KIF7: variants seen among roughly 807,000 people sequenced by gnomAD.
KIF7 encodes kinesin family member 7, also known as kinesin-like protein KIF7.
In KIF7, 104 loss-of-function variants were observed where a neutral mutation model predicts 135.7. That is an observed-to-expected ratio of 0.77 (90% CI 0.65 to 0.90). The LOEUF is 0.90. KIF7 is among the 40% of genes least tolerant of loss of function. The pLI, the probability that KIF7 is intolerant of heterozygous loss-of-function variation, is 0.00. For synonymous variants in KIF7, 883 were observed against 809.4 expected (o/e 1.09, Z -1.54); for missense variants, 2,005 against 1,839.1 (o/e 1.09, Z -1.65).
chr15:89,648,425 C>T lies in KIF7; in HGVS notation c.1273G>A (p.Glu425Lys). The T allele has an allele frequency of 8.9e-7, 1 of 1,118,324 alleles. No homozygotes were observed. 69.3% of individuals were successfully genotyped at this position (1,118,324 alleles called of 1,614,324 possible). ...GGCAGCCCGGGCTCGGCCTGCAGCT[C>T]GCGCAAGAGGCTGTAGGCGGCGTCG... The part of the protein sequence containing the change: ...CTDAAYSLLR[E>K]LQAEPGLPGA... The change falls in exon 5 of 19, where the codon GAG becomes AAG. Residue 425 changes from glutamate to lysine, a missense_variant. Glu to Lys is a moderately conservative substitution (Grantham distance 56). Coordinates refer to ENST00000394412, the MANE Select transcript of KIF7 (RefSeq NM_198525.3).
At position 89,629,587 on chromosome 15, in the gene KIF7, CA is replaced by C; in HGVS notation, c.3319-15del. The C allele has an allele frequency of 1.9e-6, 3 of 1,602,896 alleles. No individual in the cohort carries two copies. Among genetic ancestry groups the C allele is most frequent in the Non-Finnish European group, 2.5e-6 (3 of 1,179,946 alleles). On this transcript the variant is annotated splice_polypyrimidine_tract_variant and intron_variant, in intron 16 of 18. Coordinates refer to ENST00000394412, the MANE Select transcript of KIF7 (RefSeq NM_198525.3). ...GAGCGTCACCACCTGTCCCAAGACC[CA>C]GCCAGGCTCAGCCCTCATCATGACC...
chr15:89,656,888 G>A (rs961659707), upstream of KIF7, among the ~76,000 whole-genome samples: 4 of 152,168 alleles, frequency 2.6e-5, no homozygotes, highest in South Asian at 2.1e-4. Flanking sequence ...GCCTGCCGCC[G>A]TGATGCCCAA....
intron 16 of KIF7, 181 bp from the exon 17 acceptor site, chr15:89,629,754 C>T (rs1415385236): frequency 4.1e-6 from 3 of 731,968 alleles, no homozygotes; most frequent in East Asian, 2.7e-5. Context: ...TATCTTCCAA[C>T]GATCAGAGCT....
At chr15:89,643,432 C>T (rs1963956927) in intron 10 of KIF7, among the ~76,000 whole-genome samples, 1 of 152,018 alleles carries the variant, frequency 6.6e-6, no homozygotes, top group African/African-American at 2.4e-5. Flanking sequence ...TTTGAGCATC[C>T]ACAGATTTTG....
At chr15:89,640,362 A>G (rs2142013829) in intron 11 of KIF7, among the ~76,000 whole-genome samples, 1 of 152,320 alleles carries the variant, frequency 6.6e-6, no homozygotes, top group Non-Finnish European at 1.5e-5. Flanking sequence ...ACATTTACGC[A>G]CCAGGCACCA....
Position 89,649,311 on chromosome 15 carries a change from G to A in KIF7, c.586C>T (p.Leu196=). ...VEGLDEVLSL[L]EMGNAARHTG... ...TGCCGCGCCGCGTTGCCCATCTCCAGGAGGCTCAGCACCTCATCCAGGCCC... is the reference window on the plus strand; with the variant it reads ...TGCCGCGCCGCGTTGCCCATCTCCAAGAGGCTCAGCACCTCATCCAGGCCC... Residue 196 remains leucine (L), a synonymous_variant, in exon 4 of 19, where the codon CTG becomes TTG. Coordinates refer to ENST00000394412, the MANE Select transcript of KIF7 (RefSeq NM_198525.3). 3.4e-6 allele frequency: 5 copies of A among 1,487,580 alleles called. No individual in the cohort carries two copies. Among genetic ancestry groups the A allele is most frequent in the Non-Finnish European group, 4.5e-6 (5 of 1,113,284 alleles). The allele number at this position is 1,487,580 out of a possible 1,614,324, so 92.1% of individuals were successfully genotyped here.
In KIF7 at chr15:89,648,353, C is replaced by T; in HGVS notation, c.1345G>A (p.Gly449Ser). The change falls in exon 5 of 19, where the codon GGC (glycine) becomes AGC (serine). Residue 449 changes from glycine to serine, a missense_variant. Transcript: ENST00000394412. The stretch of plus-strand genomic sequence containing the variant: ...GCGGAGCTCAGGGCGCTGCGCTCGC[C>T]CTCGACGGCGCACAGCCAGTCGCGC... ...KVRDWLCAVE[G>S]ERSALSSASG... 7.0e-7 allele frequency: 1 copy of T among 1,437,224 alleles called. No homozygotes were observed. The highest frequency in any genetic ancestry group is 2.5e-5 in the Admixed American group (1 of 40,398). The allele number at this position is 1,437,224 out of a possible 1,614,324, so 89.0% of individuals were successfully genotyped here.
downstream of KIF7, among the ~76,000 whole-genome samples, chr15:89,626,297 G>A (rs1468137941): frequency 6.6e-6 from 1 of 152,330 alleles, no homozygotes; most frequent in East Asian, 1.9e-4. Flanking sequence ...TCCTGAAAAT[G>A]TTGACAGTCG....
chr15:89,627,330 T>C, downstream of KIF7: 1 of 462,066 alleles, frequency 2.2e-6, no homozygotes, highest in Admixed American at 3.7e-5. Context: ...TCAGGCAGCC[T>C]GGGAGTCAGG....
chr15:89,621,604 A>C, intron 1 of KIF7: 1 of 1,471,234 alleles, frequency 6.8e-7, no homozygotes. Context: ...ACACAGAGAC[A>C]TGGCCAAGGA....
In KIF7 at chr15:89,630,267, G is replaced by T. The variant is rs747994640; in HGVS notation, c.3318+20C>A. 2 of 1,610,406 alleles carry T rather than the reference G, an allele frequency of 1.2e-6. No individual in the cohort carries two copies. Among genetic ancestry groups the T allele is most frequent in the African/African-American group, 1.3e-5 (1 of 74,832 alleles). ...CGTGCCGCTGAGGAGGAGCTGGGGGGCCATGGGCTGCTGGCCCACCTTGTC... is the reference window on the plus strand; with the variant it reads ...CGTGCCGCTGAGGAGGAGCTGGGGGTCCATGGGCTGCTGGCCCACCTTGTC... On this transcript the variant is annotated intron_variant, in intron 16 of 18. Coordinates refer to ENST00000394412, the MANE Select transcript of KIF7 (RefSeq NM_198525.3).
chr15:89,629,183 CTGTGGG>C (rs2141993082), intron 17 of KIF7, 61 bp from the exon 18 acceptor site: 2 of 954,008 alleles, frequency 2.1e-6, no homozygotes, highest in Non-Finnish European at 2.9e-6. Context: ...GCGGCCAGGG[CTGTGGG>C]GGTGGGGGCT....
chr15:89,648,592 G>A lies in KIF7; in HGVS notation c.1106C>T (p.Ala369Val). The change falls in exon 5 of 19, where the codon GCG (alanine) becomes GTG (valine). Residue 369 changes from alanine (A) to valine (V), a missense_variant. Ala to Val is a moderately conservative substitution (Grantham distance 64). Transcript: ENST00000394412. ...PEAERPPEET[A>V]SGARGPPRHR... Reference sequence around the variant, plus strand: ...CCGTGGCGGACCCCGCGCGCCGCTCGCCGTCTCTTCGGGTGGCCGCTCGGC... The same window carrying A: ...CCGTGGCGGACCCCGCGCGCCGCTCACCGTCTCTTCGGGTGGCCGCTCGGC... 1 of 1,524,792 alleles carries A rather than the reference G, an allele frequency of 6.6e-7. No individual in the cohort carries two copies. The allele number at this position is 1,524,792 out of a possible 1,614,324, so 94.5% of individuals were successfully genotyped here.
chr15:89,653,011 C>G, intron 1 of KIF7, 57 bp from the exon 2 acceptor site: 1 of 1,345,174 alleles, frequency 7.4e-7, no homozygotes, highest in Non-Finnish European at 9.9e-7. Context: ...GAGCTGGACT[C>G]ACCCTGCAGG....
upstream of KIF7, among the ~76,000 whole-genome samples, chr15:89,659,848 T>C (rs966620230): frequency 6.6e-6 from 1 of 152,224 alleles, no homozygotes; most frequent in Admixed American, 6.5e-5. Context: ...CTTAGTCATA[T>C]TCCCTGAGAA....
chr15:89,622,132 C>T (rs1443611816), intron 1 of KIF7, among the ~76,000 whole-genome samples: 1 of 152,072 alleles, frequency 6.6e-6, no homozygotes, highest in East Asian at 1.9e-4. Context: ...ATTACAGGCA[C>T]CCACCACAAC....
rs926410488 is a variant in KIF7, at chr15:89,647,538, G to A, written c.1560+58C>T. 9.6e-6 allele frequency: 14 copies of A among 1,462,706 alleles called. No individual in the cohort carries two copies. In the African/African-American group the frequency reaches 1.4e-4, roughly 14 times the overall value. The allele number at this position is 1,462,706 out of a possible 1,614,324, so 90.6% of individuals were successfully genotyped here. ...CTCCCATCCTGAGAAACTCAGCTCT[G>A]CCTTCCCTTCATCCTCCTCTGGGAA... is the stretch of plus-strand genomic sequence containing the variant. On this transcript the variant is annotated intron_variant, in intron 6 of 18. Coordinates refer to ENST00000394412, the MANE Select transcript of KIF7 (RefSeq NM_198525.3).
chr15:89,633,840 A>G lies in KIF7; in HGVS notation c.2438T>C (p.Leu813Pro), dbSNP rs1963741468. The G allele has an allele frequency of 3.1e-6, 5 of 1,613,668 alleles. No homozygotes were observed. The highest frequency in any genetic ancestry group is 4.2e-6 in the Non-Finnish European group (5 of 1,180,030). Residue 813 changes from leucine to proline, a missense_variant, in exon 12 of 19, where the codon CTG (leucine) becomes CCG (proline). Transcript: ENST00000394412. ...KKQATERLVS[L>P]SAQSEKRLQE... ...CAGTCGCTTCTCACTCTGGGCCGAC[A>G]GTGACACCAGCCGCTCCGTAGCCTG... is the stretch of plus-strand genomic sequence containing the variant.
chr15:89,624,877 C>T (rs894157), downstream of KIF7: 1,445,635 of 1,614,006 alleles, frequency 0.9, 650,231 homozygotes, highest in African/African-American at 0.96. Flanking sequence ...GATGCCTTCC[C>T]GTGACGTGCA....
Sources: gnomAD v4.1 joint callset for allele counts (sites outside exome capture counted in the v4.1 genomes callset) on GRCh38, gnomAD v4.1.1 for gene constraint, MANE v1.5 for transcripts, NCBI Gene and HGNC (gene_info 2026-07-23, HGNC 2026-07-21) for gene names.